Variants in TTYH1 observed in about 807,000 individuals in gnomAD.
The protein encoded by TTYH1 is protein tweety homolog 1.
A neutral mutation model predicts 61.2 loss-of-function variants in TTYH1; 33 were observed. The ratio of observed to expected loss-of-function variants is 0.54; its 90% CI spans 0.41 to 0.72. TTYH1 has a LOEUF of 0.72. Among genes scored for constraint, TTYH1 ranks in the 30% least tolerant of loss-of-function variants. TTYH1 has a pLI of 0.00. For synonymous variants in TTYH1, 308 were observed against 266.4 expected (o/e 1.16, Z -1.52); for missense variants, 538 against 575.8 (o/e 0.93, Z 0.67).
rs1244746206 is a variant in TTYH1 at position 54,422,289 on chromosome 19, C to A, written c.517C>A (p.Arg173=). Residue 173 remains arginine (R), a synonymous_variant, in exon 4 of 14, where the codon CGA becomes AGA. Transcript: ENST00000376530. ...GCGCACGGAGCTGGTGGCTGCCGCCCGAGGGGCTCGACGGCAGGCGGAGGC... is the reference window on the plus strand; with the variant it reads ...GCGCACGGAGCTGGTGGCTGCCGCCAGAGGGGCTCGACGGCAGGCGGAGGC... The part of the protein sequence containing the change: ...EPRTELVAAA[R]GARRQAEAAA... 6.4e-7 allele frequency: 1 copy of A among 1,566,782 alleles called. No homozygotes were observed. The highest frequency in any genetic ancestry group is 2.3e-5 in the East Asian group (1 of 42,920).
At position 54,415,844 on chromosome 19, in the gene TTYH1, C is replaced by T; in HGVS notation, c.126+166C>T. The stretch of plus-strand genomic sequence containing the variant: ...AGGAGGAGCCTGGGGGCGCCCATGC[C>T]TGGAGGTTCTCCTGGGACGCGCGCT... On this transcript the variant is annotated intron_variant, in intron 1 of 13. Coordinates refer to ENST00000376530, the MANE Select transcript of TTYH1 (RefSeq NM_020659.4). The surrounding 1 kb of genome is among the most constrained non-coding windows in gnomAD (Gnocchi z 5.2). 1 of 893,902 alleles carries T rather than the reference C, an allele frequency of 1.1e-6. No individual in the cohort carries two copies. 55.4% of individuals were successfully genotyped at this position (893,902 alleles called of 1,614,324 possible).
At position 54,419,743 on chromosome 19, in the gene TTYH1, T is replaced by TTAAC. The variant is rs1569252165; in HGVS notation, c.305+439_305+442dup. On this transcript the variant is annotated intron_variant, in intron 2 of 13. Coordinates refer to ENST00000376530, the MANE Select transcript of TTYH1 (RefSeq NM_020659.4). This position sits in a 1 kb window ranked among gnomAD's most constrained non-coding sequence, Gnocchi z 6.1. ...GACTTGCAGCTACTCTCAGCCAACA[T>TTAAC]TAACTGGTGATGTCTGTCATTCCGT... Among the ~76,000 whole-genome samples, 1 of 152,118 alleles carries TTAAC rather than the reference T, an allele frequency of 6.6e-6. No homozygotes were observed. The highest frequency in any genetic ancestry group is 1.5e-5 in the Non-Finnish European group (1 of 68,028).
At chr19:54,426,583 G>A (rs1177605722) in intron 4 of TTYH1, 90 bp from the exon 5 acceptor site, 3 of 985,322 alleles carry the variant, frequency 3.0e-6, no homozygotes, top group Admixed American at 3.5e-5. Flanking sequence ...CTGAGCTGGG[G>A]GGCAGGGTGA....
In TTYH1 at chr19:54,430,906, G is replaced by T. The variant is rs1167338303; in HGVS notation, c.1032+1G>T. 1.2e-6 allele frequency: 2 copies of T among 1,612,266 alleles called. No homozygotes were observed. The stretch of plus-strand genomic sequence containing the variant: ...TGTGCCTCAGTTCCCTTCAGCGCAG[G>T]TCGGTGGGTGGGCGCTCCCCAGACA... On this transcript the variant is annotated splice_donor_variant, in intron 9 of 13. Transcript: ENST00000376530. LOFTEE classifies it high-confidence loss of function.
In TTYH1 at chr19:54,416,772, C is replaced by G. The variant is rs1234096536; in HGVS notation, c.126+1094C>G. 3.1e-6 allele frequency: 4 copies of G among 1,293,230 alleles called. No homozygotes were observed. The highest frequency in any genetic ancestry group is 4.6e-5 in the Admixed American group (2 of 43,528). 80.1% of individuals were successfully genotyped at this position (1,293,230 alleles called of 1,614,324 possible). A position where few individuals can be genotyped will look rare whatever the true frequency, so the allele number is the denominator to read the frequency against. On this transcript the variant is annotated intron_variant, in intron 1 of 13. Coordinates refer to ENST00000376530, the MANE Select transcript of TTYH1 (RefSeq NM_020659.4). The surrounding 1 kb of genome is among the most constrained non-coding windows in gnomAD (Gnocchi z 7.0). ...CCCTCTCCCCACACACGGGGACCGC[C>G]GTCCCCTCGCCCACAGCCTCGCGGT...
rs542908658 is a variant in TTYH1 at position 54,424,731 on chromosome 19, G to C, written c.639-1942G>C. 1.4e-4 allele frequency among the ~76,000 whole-genome samples: 22 copies of C among 152,310 alleles called. No homozygotes were observed. In the South Asian group the frequency reaches 4.6e-3, roughly 32 times the overall value. On this transcript the variant is annotated intron_variant, in intron 4 of 13. Transcript: ENST00000376530. Reference sequence around the variant, plus strand: ...TGGGAGTCCCTCGACAGACAAATCAGGGGCCTCCAAGGGAGTCTTGCTGGA... The same window carrying C: ...TGGGAGTCCCTCGACAGACAAATCACGGGCCTCCAAGGGAGTCTTGCTGGA...
rs2083094387 is a variant in TTYH1 at position 54,416,998 on chromosome 19, A to G, written c.126+1320A>G. The G allele has an allele frequency of 8.4e-7, 1 of 1,197,320 alleles. No individual in the cohort carries two copies. Among genetic ancestry groups the G allele is most frequent in the Admixed American group, 3.2e-5 (1 of 30,936 alleles). The allele number at this position is 1,197,320 out of a possible 1,614,324, so 74.2% of individuals were successfully genotyped here. On this transcript the variant is annotated intron_variant, in intron 1 of 13. Transcript: ENST00000376530. The surrounding 1 kb of genome is among the most constrained non-coding windows in gnomAD (Gnocchi z 7.0). The stretch of plus-strand genomic sequence containing the variant: ...GTCAGGGTGGCAGGGATGCGCGGGC[A>G]GAGCCCCACAGCCGAGGAGGGCAAG...
rs1035074390 is a variant in TTYH1, at chr19:54,419,040, A to G, written c.127-88A>G. The G allele has an allele frequency of 1.2e-4, 159 of 1,360,738 alleles. No individual in the cohort carries two copies. The highest frequency in any genetic ancestry group is 1.6e-4 in the Non-Finnish European group (157 of 992,538). The allele number at this position is 1,360,738 out of a possible 1,614,324, so 84.3% of individuals were successfully genotyped here. A position where few individuals can be genotyped will look rare whatever the true frequency, so the allele number is the denominator to read the frequency against. ...TCCCACCTTCACTCTGACATCCCAG[A>G]CCCCGACCCCCCAGCCACGCAGGAA... On this transcript the variant is annotated intron_variant, in intron 1 of 13. Coordinates refer to ENST00000376530, the MANE Select transcript of TTYH1 (RefSeq NM_020659.4). The surrounding 1 kb of genome is among the most constrained non-coding windows in gnomAD (Gnocchi z 6.1).
chr19:54,429,976 G>C lies in TTYH1; in HGVS notation c.883+19G>C. The C allele has an allele frequency of 6.2e-7, 1 of 1,611,578 alleles. No homozygotes were observed. The highest frequency in any genetic ancestry group is 1.1e-5 in the South Asian group (1 of 91,038). On this transcript the variant is annotated intron_variant, in intron 7 of 13. Coordinates refer to ENST00000376530, the MANE Select transcript of TTYH1 (RefSeq NM_020659.4). The surrounding 1 kb of genome is among the most constrained non-coding windows in gnomAD (Gnocchi z 5.1). ...AGCTCAGGTGATTTCCAAGGGCCCG[G>C]TGGGTCCGCCGGGTTGGGCAGTGCA... is the stretch of plus-strand genomic sequence containing the variant.
intron 5 of TTYH1, among the ~76,000 whole-genome samples, chr19:54,428,847 C>G (rs1470729487): frequency 6.6e-6 from 1 of 152,164 alleles, no homozygotes; most frequent in East Asian, 1.9e-4. Context: ...GGTCACCCTA[C>G]CAATGCTGAC....
chr19:54,421,532 C>G lies in TTYH1; in HGVS notation c.417+144C>G. On this transcript the variant is annotated intron_variant, in intron 3 of 13. Coordinates refer to ENST00000376530, the MANE Select transcript of TTYH1 (RefSeq NM_020659.4). The surrounding 1 kb of genome is among the most constrained non-coding windows in gnomAD (Gnocchi z 4.8). ...ATTCAGAACTTCATCCTGAGACCCA[C>G]AGACCTCAGACTATCCACCCAACCC... The G allele has an allele frequency of 4.5e-6, 3 of 660,586 alleles. No individual in the cohort carries two copies. Among genetic ancestry groups the G allele is most frequent in the Non-Finnish European group, 8.2e-6 (3 of 364,534 alleles). 40.9% of individuals were successfully genotyped at this position (660,586 alleles called of 1,614,324 possible).
Position 54,429,495 on chromosome 19 carries a change from A to G in TTYH1, c.807+116A>G. On this transcript the variant is annotated intron_variant, in intron 6 of 13. Transcript: ENST00000376530. The surrounding 1 kb of genome is among the most constrained non-coding windows in gnomAD (Gnocchi z 5.1). ...GAAAGGAATTGGGGGGCACGATCAC[A>G]GCTCTGAGGTTTAGGGCTTGTTTCC... 1.0e-6 allele frequency: 1 copy of G among 956,470 alleles called. No individual in the cohort carries two copies. Among genetic ancestry groups the G allele is most frequent in the Non-Finnish European group, 1.6e-6 (1 of 615,750 alleles). The allele number at this position is 956,470 out of a possible 1,614,324, so 59.2% of individuals were successfully genotyped here.
chr19:54,422,788 G>A (rs1386288037), intron 4 of TTYH1, among the ~76,000 whole-genome samples: 1 of 151,898 alleles, frequency 6.6e-6, no homozygotes, highest in African/African-American at 2.4e-5. Flanking sequence ...AATTAGCTGG[G>A]CGTGGCGGCA....
chr19:54,415,760 A>G lies in TTYH1; in HGVS notation c.126+82A>G, dbSNP rs926564166. On this transcript the variant is annotated intron_variant, in intron 1 of 13. Transcript: ENST00000376530. The surrounding 1 kb of genome is among the most constrained non-coding windows in gnomAD (Gnocchi z 5.2). ...CCGAGGGAGAAGGGGGCTGGGTCAC[A>G]GATTTCCTGAGCTCCGCCGGAGGCT... is the stretch of plus-strand genomic sequence containing the variant. The G allele has an allele frequency of 1.3e-4, 175 of 1,331,616 alleles. No homozygotes were observed. The highest frequency in any genetic ancestry group is 1.6e-4 in the Non-Finnish European group (158 of 1,017,660). The allele number at this position is 1,331,616 out of a possible 1,614,324, so 82.5% of individuals were successfully genotyped here. A position where few individuals can be genotyped will look rare whatever the true frequency, so the allele number is the denominator to read the frequency against.
At chr19:54,422,745 G>A (rs55983248) in intron 4 of TTYH1, among the ~76,000 whole-genome samples, 62,152 of 151,360 alleles carry the variant, frequency 0.41, 13,046 homozygotes, top group South Asian at 0.47. Context: ...CCTGGCCAAC[G>A]TGGAGAAACC....
chr19:54,427,482 T>C (rs1449011391), intron 5 of TTYH1, among the ~76,000 whole-genome samples: 3 of 151,286 alleles, frequency 2.0e-5, no homozygotes, highest in African/African-American at 7.3e-5. Flanking sequence ...CGGGCGCCTA[T>C]AGTCCCAGCT....
At position 54,420,033 on chromosome 19, in the gene TTYH1, C is replaced by T. The variant is rs1319748580; in HGVS notation, c.305+727C>T. On this transcript the variant is annotated intron_variant, in intron 2 of 13. Transcript: ENST00000376530. This position sits in a 1 kb window ranked among gnomAD's most constrained non-coding sequence, Gnocchi z 4.8. ...AGGCTCAGGGACAGAGGGGAGGTCACCTTTCAAGGCCACGTGGCTTAAGAG... is the reference window on the plus strand; with the variant it reads ...AGGCTCAGGGACAGAGGGGAGGTCATCTTTCAAGGCCACGTGGCTTAAGAG... 6.6e-6 allele frequency among the ~76,000 whole-genome samples: 1 copy of T among 152,148 alleles called. No individual in the cohort carries two copies. The highest frequency in any genetic ancestry group is 1.5e-5 in the Non-Finnish European group (1 of 68,030).
chr19:54,426,780 C>T lies in TTYH1; in HGVS notation c.734+12C>T. The T allele has an allele frequency of 6.2e-7, 1 of 1,611,468 alleles. No individual in the cohort carries two copies. Among genetic ancestry groups the T allele is most frequent in the Non-Finnish European group, 8.5e-7 (1 of 1,178,712 alleles). ...TGGCTGGTGATCGTGTAAGTGCAGG[C>T]AGTAGGGGGACCCAGTGCTTGCCTG... On this transcript the variant is annotated intron_variant, in intron 5 of 13. Transcript: ENST00000376530.
At chr19:54,430,471 C>A in intron 7 of TTYH1, 79 bp from the exon 8 acceptor site, 1 of 1,517,552 alleles carries the variant, frequency 6.6e-7, no homozygotes. Context: ...CTGCTAACCC[C>A]CCAGTGCCCG....
Sources: allele counts gnomAD v4.1 joint callset (sites outside exome capture counted in the v4.1 genomes callset), GRCh38; gene constraint gnomAD v4.1.1; non-coding constraint Gnocchi (gnomAD v3.1); transcripts MANE v1.5; gene names NCBI Gene and HGNC (gene_info 2026-07-23, HGNC 2026-07-21).